FAM184A: variants seen among roughly 807,000 people sequenced by gnomAD.
FAM184A encodes the protein family with sequence similarity 184 member A.
FAM184A carries 99 observed loss-of-function variants against 143.8 expected under a neutral mutation model. The ratio of observed to expected loss-of-function variants is 0.69; its 90% confidence interval spans 0.58 to 0.81. The LOEUF (loss-of-function observed/expected upper bound fraction) is 0.81. FAM184A is among the 40% of genes least tolerant of loss of function. The pLI is 0.00. For missense variants in FAM184A, 1,217 were observed against 1,310.5 expected (o/e 0.93, Z 1.10); for synonymous variants, 427 against 446.4 (o/e 0.96, Z 0.55).
chr6:119,144,333 CAAAAAAA>C (rs555955754), intron 1 of FAM184A, among the ~76,000 whole-genome samples: 4 of 77,994 alleles, frequency 5.1e-5, no homozygotes, highest in Admixed American at 1.5e-4. Context: ...GACTCTGACT[CAAAAAAA>C]AAAAAAAAAA....
chr6:118,970,933 A>C (rs1188711557), intron 14 of FAM184A, among the ~76,000 whole-genome samples: 1 of 152,212 alleles, frequency 6.6e-6, no homozygotes, highest in Non-Finnish European at 1.5e-5. Flanking sequence ...TAGTCTTGTT[A>C]AGAAAAAGAA....
intron 6 of FAM184A, among the ~76,000 whole-genome samples, chr6:119,007,186 T>C (rs978198791): frequency 1.3e-5 from 2 of 152,210 alleles, no homozygotes; most frequent in African/African-American, 4.8e-5. Context: ...TGATTAAGCA[T>C]ATCCCTACCA....
chr6:119,115,861 C>T (rs1789045036), intron 1 of FAM184A, among the ~76,000 whole-genome samples: 1 of 151,584 alleles, frequency 6.6e-6, no homozygotes, highest in Non-Finnish European at 1.5e-5. Context: ...CCCAGCTACT[C>T]GGGAGGCTGA....
chr6:119,092,382 C>T (rs1443426573), intron 1 of FAM184A, among the ~76,000 whole-genome samples: 1 of 152,158 alleles, frequency 6.6e-6, no homozygotes, highest in Non-Finnish European at 1.5e-5. Context: ...AGCAATCCTC[C>T]CACCTTGGCT....
chr6:119,128,810 T>C (rs2114872429), intron 1 of FAM184A, among the ~76,000 whole-genome samples: 1 of 152,162 alleles, frequency 6.6e-6, no homozygotes, highest in South Asian at 2.1e-4. Flanking sequence ...TTTGAAATGG[T>C]CCTGCAAAGC....
At chr6:119,001,540 C>T (rs756847938) in intron 9 of FAM184A, among the ~76,000 whole-genome samples, 5 of 151,950 alleles carry the variant, frequency 3.3e-5, no homozygotes, top group Non-Finnish European at 5.9e-5. Context: ...CAGGAAAGAA[C>T]TGCAGAATAG....
intron 1 of FAM184A, among the ~76,000 whole-genome samples, chr6:119,109,162 C>A (rs2114845583): frequency 6.6e-6 from 1 of 152,046 alleles, no homozygotes; most frequent in South Asian, 2.1e-4. Context: ...GTCCTTGAAC[C>A]ATATAATTTA....
At chr6:119,011,257 GTTA>G (rs753565244) in intron 6 of FAM184A, 49 bp downstream of exon 6, 377 of 1,492,972 alleles carry the variant, frequency 2.5e-4, no homozygotes, top group Non-Finnish European at 3.3e-4. Context: ...ACCAGAATAA[GTTA>G]TTATTATTAA....
At chr6:118,972,145 A>G (rs1783715959) in intron 14 of FAM184A, among the ~76,000 whole-genome samples, 1 of 152,240 alleles carries the variant, frequency 6.6e-6, no homozygotes, top group South Asian at 2.1e-4. Flanking sequence ...AGATCCAAGC[A>G]GGCTGCATTT....
At chr6:119,009,063 T>C (rs1785012594) in intron 6 of FAM184A, among the ~76,000 whole-genome samples, 1 of 152,202 alleles carries the variant, frequency 6.6e-6, no homozygotes, top group African/African-American at 2.4e-5. Flanking sequence ...CTACTTATTA[T>C]GTGCTGACTT....
chr6:119,136,077 GACCATCCTGGC>G (rs1789652731), intron 1 of FAM184A, among the ~76,000 whole-genome samples: 1 of 149,720 alleles, frequency 6.7e-6, no homozygotes, highest in African/African-American at 2.4e-5. Flanking sequence ...AGGAGATCGA[GACCATCCTGGC>G]TAACAAGGTG....
At chr6:119,132,551 A>T (rs1039020445) in intron 1 of FAM184A, among the ~76,000 whole-genome samples, 2 of 152,252 alleles carry the variant, frequency 1.3e-5, no homozygotes, top group Non-Finnish European at 2.9e-5. Flanking sequence ...GGTAATTACA[A>T]TTGTAAAGGC....
chr6:118,994,916 G>C (rs1313017734), intron 9 of FAM184A, among the ~76,000 whole-genome samples: 1 of 152,114 alleles, frequency 6.6e-6, no homozygotes, highest in African/African-American at 2.4e-5. Flanking sequence ...ACACGTACAA[G>C]ATATTACACA....
intron 14 of FAM184A, 130 bp from the exon 15 acceptor site, chr6:118,967,082 CTT>C (rs544396964): frequency 2.3e-4 from 118 of 523,076 alleles, no homozygotes; most frequent in African/African-American, 1.9e-3. Context: ...TTCCTTAAAA[CTT>C]TTAAGCATAA....
intron 1 of FAM184A, among the ~76,000 whole-genome samples, chr6:119,055,296 G>GA (rs1786922241): frequency 6.6e-6 from 1 of 152,090 alleles, no homozygotes; most frequent in South Asian, 2.1e-4. Flanking sequence ...TTCATCAGTT[G>GA]ATGTAACAGT....
At chr6:119,002,107 A>C (rs1784778435) in intron 9 of FAM184A, among the ~76,000 whole-genome samples, 1 of 152,194 alleles carries the variant, frequency 6.6e-6, no homozygotes, top group Non-Finnish European at 1.5e-5. Flanking sequence ...TAGCTATGTA[A>C]CAAATGATCT....
At chr6:119,042,658 CAT>C (rs370331732) in intron 1 of FAM184A, among the ~76,000 whole-genome samples, 4 of 152,158 alleles carry the variant, frequency 2.6e-5, no homozygotes, top group African/African-American at 9.7e-5. Flanking sequence ...ATGGTGAACA[CAT>C]GTCATTATAC....
intron 1 of FAM184A, among the ~76,000 whole-genome samples, chr6:119,118,600 C>T (rs913276834): frequency 6.6e-6 from 1 of 152,166 alleles, no homozygotes; most frequent in Non-Finnish European, 1.5e-5. Context: ...AATCTCTGAA[C>T]ATAAATTGTG....
At chr6:118,978,305 A>G (rs1783909316) in intron 11 of FAM184A, among the ~76,000 whole-genome samples, 1 of 152,204 alleles carries the variant, frequency 6.6e-6, no homozygotes, top group African/African-American at 2.4e-5. Context: ...GCATGTTTCA[A>G]TGGACTAAAC....
Sources: allele counts gnomAD v4.1 joint callset (sites outside exome capture counted in the v4.1 genomes callset), GRCh38; gene constraint gnomAD v4.1.1; transcripts MANE v1.5; gene names NCBI Gene and HGNC (gene_info 2026-07-23, HGNC 2026-07-21).